PDE4D: variants seen among roughly 807,000 people sequenced by gnomAD.
PDE4D encodes the protein phosphodiesterase 4D, also known as 3',5'-cyclic-AMP phosphodiesterase 4D.
Under a neutral mutation model 87.4 loss-of-function variants are expected in PDE4D, and 24 were observed. That is an observed-to-expected ratio of 0.27 (90% CI 0.20 to 0.39). The LOEUF (loss-of-function observed/expected upper bound fraction) is 0.39. Ranked by LOEUF, PDE4D falls within the 10% of genes least tolerant of loss-of-function variation. The probability of loss-of-function intolerance (pLI) is 1.00; values close to 1 mark genes in which losing one functional copy is unlikely to be tolerated. For synonymous variants in PDE4D, 384 were observed against 383.2 expected, an observed-to-expected ratio of 1.00 and a Z score of -0.02; for missense variants, 714 against 1,041.0, an observed-to-expected ratio of 0.69 and a Z score of 4.32.
intron 2 of PDE4D, among the ~76,000 whole-genome samples, chr5:60,066,442 C>T (rs1459975831): frequency 6.6e-6 from 1 of 151,990 alleles, no homozygotes; most frequent in African/African-American, 2.4e-5. Context: ...CTTTTTACAA[C>T]CAACTCAGTT....
chr5:59,388,514 T>A (rs1787553978), intron 1 of PDE4D, among the ~76,000 whole-genome samples: 1 of 152,048 alleles, frequency 6.6e-6, no homozygotes, highest in Admixed American at 6.6e-5. Flanking sequence ...GTGAAATCAG[T>A]GTGTCAAAAA....
intron 1 of PDE4D, among the ~76,000 whole-genome samples, chr5:60,354,241 T>C (rs1759431119): frequency 1.3e-5 from 2 of 152,228 alleles, no homozygotes; most frequent in South Asian, 4.1e-4. Context: ...TAAGTTATAC[T>C]GACTACTTTT....
intron 6 of PDE4D, among the ~76,000 whole-genome samples, chr5:59,007,383 C>G (rs915392636): frequency 6.6e-6 from 1 of 152,070 alleles, no homozygotes; most frequent in Non-Finnish European, 1.5e-5. Flanking sequence ...TTAAATGTCC[C>G]TTGAAGAATT....
At chr5:60,238,258 C>T (rs1027197865) in intron 1 of PDE4D, among the ~76,000 whole-genome samples, 1 of 151,866 alleles carries the variant, frequency 6.6e-6, no homozygotes, top group Admixed American at 6.6e-5. Context: ...ATCTACTATG[C>T]TGTAAGTCCA....
At chr5:59,618,481 G>C (rs555467243) in intron 1 of PDE4D, among the ~76,000 whole-genome samples, 91 of 152,254 alleles carry the variant, frequency 6.0e-4, no homozygotes, top group African/African-American at 2.1e-3. Flanking sequence ...GGGTTCTGAT[G>C]GGCCATATAT....
intron 1 of PDE4D, among the ~76,000 whole-genome samples, chr5:59,799,462 A>G (rs1766871024): frequency 6.6e-6 from 1 of 152,216 alleles, no homozygotes; most frequent in South Asian, 2.1e-4. Context: ...TTGGGTGTGT[A>G]AAGAATGAGA....
chr5:59,179,809 G>GT (rs542394659), intron 5 of PDE4D: 298 of 290,314 alleles, frequency 1.0e-3, no homozygotes, highest in Non-Finnish European at 1.6e-3. Context: ...GAAAACATAG[G>GT]TTTTCTTTTC....
At chr5:59,175,668 C>T (rs1048657256) in intron 5 of PDE4D, among the ~76,000 whole-genome samples, 6 of 151,358 alleles carry the variant, frequency 4.0e-5, no homozygotes, top group Admixed American at 2.0e-4. Flanking sequence ...TTAATAGAGA[C>T]GGGGTTTCAC....
intron 1 of PDE4D, among the ~76,000 whole-genome samples, chr5:60,203,209 G>C (rs1342311116): frequency 2.6e-5 from 4 of 152,116 alleles, no homozygotes; most frequent in African/African-American, 9.7e-5. Context: ...GATCTCAGGT[G>C]ATCTACCCGC....
intron 1 of PDE4D, among the ~76,000 whole-genome samples, chr5:59,540,452 G>GGTTTTGCCTTCAATAGCAAAACAT (rs1052728068): frequency 2.9e-4 from 44 of 152,236 alleles, no homozygotes; most frequent in African/African-American, 1.0e-3. Flanking sequence ...GCTCTAAGGA[G>GGTTTTGCCTTCAATAGCAAAACAT]GTTTTGCCTT....
At chr5:59,949,821 T>A (rs886890060) in intron 3 of PDE4D, among the ~76,000 whole-genome samples, 11 of 152,314 alleles carry the variant, frequency 7.2e-5, no homozygotes, top group Middle Eastern at 3.4e-3. Flanking sequence ...TTTCCGGTTT[T>A]CCTTATATAA....
At chr5:59,252,941 C>T (rs1276047722) in intron 1 of PDE4D, among the ~76,000 whole-genome samples, 1 of 152,080 alleles carries the variant, frequency 6.6e-6, no homozygotes, top group East Asian at 1.9e-4. Context: ...TCCTAGGTAC[C>T]CTTGCTCCCC....
chr5:59,567,536 A>G (rs1821145856), intron 1 of PDE4D, among the ~76,000 whole-genome samples: 1 of 152,226 alleles, frequency 6.6e-6, no homozygotes. Flanking sequence ...TGCAAACAAT[A>G]TAAAGTTGAC....
chr5:60,237,734 A>C (rs1023530346), intron 1 of PDE4D, among the ~76,000 whole-genome samples: 6 of 152,036 alleles, frequency 3.9e-5, no homozygotes, highest in African/African-American at 1.4e-4. Context: ...ACATGTAACA[A>C]AATGACATAG....
In PDE4D at chr5:60,064,240, G is replaced by A. The variant is rs569074599; in HGVS notation, c.43-75523C>T. ...GTTTACTGTGTACCAAAGAATGCTC[G>A]AAATAATTTAACAATATTTATTCAT... On this transcript the variant is annotated intron_variant, in intron 2 of 16. Transcript: ENST00000502484. Among the ~76,000 whole-genome samples, 22 of 152,018 alleles carry A rather than the reference G, an allele frequency of 1.4e-4. No homozygotes were observed. In the South Asian group the frequency reaches 3.1e-3, roughly 21 times the overall value.
chr5:59,374,995 A>G (rs1784481141), intron 1 of PDE4D, among the ~76,000 whole-genome samples: 1 of 152,234 alleles, frequency 6.6e-6, no homozygotes, highest in South Asian at 2.1e-4. Context: ...ATGAGAACAA[A>G]GATACAACAT....
chr5:59,597,723 T>C (rs571667453), intron 1 of PDE4D, among the ~76,000 whole-genome samples: 1 of 152,294 alleles, frequency 6.6e-6, no homozygotes, highest in East Asian at 1.9e-4. Flanking sequence ...TAATTTAGAA[T>C]AATTAATAGT....
intron 1 of PDE4D, among the ~76,000 whole-genome samples, chr5:59,271,825 T>C (rs1218685659): frequency 6.6e-6 from 1 of 151,976 alleles, no homozygotes; most frequent in Admixed American, 6.6e-5. Context: ...TAAACTTTCA[T>C]ATATAATACT....
chr5:59,792,590 G>A lies in PDE4D; in HGVS notation c.455+100578C>T, dbSNP rs1765933969. Among the ~76,000 whole-genome samples the A allele has an allele frequency of 3.3e-5, 5 of 152,198 alleles. No individual in the cohort carries two copies. The South Asian group carries it at 1.0e-3, about 31-fold the overall frequency. ...TGGCATAGAGGTTTGTGCCGTGAAG[G>A]AGAAGAACGCAAGGTGGTAAAAGCA... is the stretch of plus-strand genomic sequence containing the variant. On this transcript the variant is annotated intron_variant, in intron 1 of 14. Coordinates refer to ENST00000340635, the MANE Select transcript of PDE4D (RefSeq NM_001104631.2).
Sources: allele counts gnomAD v4.1 joint callset (sites outside exome capture counted in the v4.1 genomes callset), GRCh38; gene constraint gnomAD v4.1.1; transcripts MANE v1.5; gene names NCBI Gene and HGNC (gene_info 2026-07-23, HGNC 2026-07-21).